The following EHHADH variants were observed in gnomAD, a reference collection of about 807,000 sequenced individuals.
EHHADH encodes peroxisomal bifunctional enzyme.
Under a neutral mutation model 64.4 loss-of-function variants are expected in EHHADH, and 48 were observed. The ratio of observed to expected loss-of-function variants is 0.75; its 90% CI spans 0.59 to 0.95. The LOEUF (loss-of-function observed/expected upper bound fraction) is 0.95, where lower values mean the gene tolerates loss of function less well. Among genes scored for constraint, EHHADH ranks in the 40% least tolerant of loss-of-function variants. The probability of loss-of-function intolerance (pLI) is 0.00; values close to 1 mark genes in which losing one functional copy is unlikely to be tolerated. For synonymous variants in EHHADH, 308 were observed against 326.7 expected, an observed-to-expected ratio of 0.94 and a Z score of 0.62; for missense variants, 854 against 876.6, an observed-to-expected ratio of 0.97 and a Z score of 0.33.
intron 1 of EHHADH, among the ~76,000 whole-genome samples, chr3:185,252,167 C>T (rs973280621): frequency 2.0e-5 from 3 of 152,114 alleles, no homozygotes; most frequent in Admixed American, 6.5e-5. Flanking sequence ...TTTGGGAGGC[C>T]GAGGCAGGTG....
chr3:185,241,648 T>TA (rs1466887192), intron 2 of EHHADH, among the ~76,000 whole-genome samples: 1 of 152,008 alleles, frequency 6.6e-6, no homozygotes, highest in Non-Finnish European at 1.5e-5. Flanking sequence ...TTAATGGGAT[T>TA]TTTTTTTCTT....
At chr3:185,245,864 A>G (rs1173249504) in intron 2 of EHHADH, 5 of 1,021,850 alleles carry the variant, frequency 4.9e-6, no homozygotes, top group Non-Finnish European at 7.7e-6. Flanking sequence ...CTCCCCAGCA[A>G]CCATATCTGG....
At chr3:185,208,104 T>C (rs1718444715) in intron 5 of EHHADH, among the ~76,000 whole-genome samples, 1 of 152,248 alleles carries the variant, frequency 6.6e-6, no homozygotes, top group Admixed American at 6.5e-5. Flanking sequence ...GTCTTGCTCA[T>C]ACTTTCTTGC....
Position 185,216,062 on chromosome 3 carries a change from GCCA to G in EHHADH, c.568+2071_568+2073del, listed in dbSNP as rs1260490409. On this transcript the variant is annotated intron_variant, in intron 5 of 6. Transcript: ENST00000231887. The surrounding 1 kb of genome is among the most constrained non-coding windows in gnomAD (Gnocchi z 5.3). ...GCAAATGGTGCCTCAATATTTGGAT[GCCA>G]CCAAGTGGACAAACTGTATAATGTC... Among the ~76,000 whole-genome samples, 1 of 152,174 alleles carries G rather than the reference GCCA, an allele frequency of 6.6e-6. No individual in the cohort carries two copies. Among genetic ancestry groups the G allele is most frequent in the Non-Finnish European group, 1.5e-5 (1 of 68,016 alleles).
At chr3:185,222,723 G>A (rs6779817) in intron 4 of EHHADH, among the ~76,000 whole-genome samples, 100,313 of 152,072 alleles carry the variant, frequency 0.66, 35,328 homozygotes, top group Non-Finnish European at 0.79. Context: ...AAATAGATCT[G>A]ATCTCAAGGA....
In EHHADH at chr3:185,254,006, C is replaced by G; in HGVS notation, c.17G>C (p.Arg6Pro). 6.2e-7 allele frequency: 1 copy of G among 1,613,902 alleles called. No individual in the cohort carries two copies. The highest frequency in any genetic ancestry group is 8.5e-7 in the Non-Finnish European group (1 of 1,179,886). The change falls in exon 1 of 7, where the codon CGG (arginine) becomes CCG (proline). Residue 6 changes from arginine (R) to proline (P), a missense_variant. Transcript: ENST00000231887. MAEYT[R>P]LHNALALIRL... ...GATTAGCGCCAAGGCGTTGTGCAGC[C>G]GCGTATACTCGGCCATGTTTCCTCT...
chr3:185,249,173 G>A (rs1207231959), intron 1 of EHHADH, among the ~76,000 whole-genome samples: 1 of 151,838 alleles, frequency 6.6e-6, no homozygotes, highest in East Asian at 1.9e-4. Flanking sequence ...CTGTCACCCA[G>A]GCTGGAGTGC....
At chr3:185,194,846 A>G (rs191185852) in intron 6 of EHHADH, among the ~76,000 whole-genome samples, 110 of 145,932 alleles carry the variant, frequency 7.5e-4, no homozygotes, top group Admixed American at 1.3e-3. Context: ...ATAGTATTTA[A>G]GACAGTGTAA....
chr3:185,218,289 G>T (rs1161710556), intron 4 of EHHADH, 49 bp from the exon 5 acceptor site: 2 of 1,366,820 alleles, frequency 1.5e-6, no homozygotes, highest in Non-Finnish European at 2.1e-6. Flanking sequence ...AGCGATGTAA[G>T]ATTAAAGCAA....
chr3:185,227,367 T>C (rs1719005998), intron 4 of EHHADH, among the ~76,000 whole-genome samples: 1 of 151,746 alleles, frequency 6.6e-6, no homozygotes, highest in South Asian at 2.1e-4. Flanking sequence ...ACCCCGACTC[T>C]ACTAAAAATA....
chr3:185,230,384 A>G (rs1262826991), intron 3 of EHHADH, among the ~76,000 whole-genome samples: 1 of 152,240 alleles, frequency 6.6e-6, no homozygotes, highest in African/African-American at 2.4e-5. Context: ...TCATGGCACC[A>G]TGGTTCATAA....
At chr3:185,194,800 C>CCAAAAAAAAAAAA (rs1718012745) in intron 6 of EHHADH, among the ~76,000 whole-genome samples, 2 of 29,302 alleles carry the variant, frequency 6.8e-5, no homozygotes, top group Non-Finnish European at 1.3e-4. Flanking sequence ...GACCCTGTCT[C>CCAAAAAAAAAAAA]AAAAAAAAAA....
chr3:185,193,168 A>C lies in EHHADH; in HGVS notation c.1230T>G (p.Thr410=). ...CAATCTCATCAACATCCAGGGCTGA[A>C]GTATTAGTGCACAAAAATGCTTCTG... ...CKPEAFLCTN[T]SALDVDEIAS... Residue 410 remains threonine (T), a synonymous_variant, in exon 7 of 7, where the codon ACT becomes ACG. Transcript: ENST00000231887. The C allele has an allele frequency of 6.2e-7, 1 of 1,613,258 alleles. No homozygotes were observed. Among genetic ancestry groups the C allele is most frequent in the South Asian group, 1.1e-5 (1 of 90,788 alleles).
rs751613675 is a variant in EHHADH, at chr3:185,193,143, C to A, written c.1255G>T (p.Ala419Ser). ...AAGTGAGGACGATCAGTGGAAGAAG[C>A]AATCTCATCAACATCCAGGGCTGAA... Reference protein sequence around the residue: ...NTSALDVDEIASSTDRPHLVI... With the variant: ...NTSALDVDEISSSTDRPHLVI... The change falls in exon 7 of 7, where the codon GCT becomes TCT. Residue 419 changes from alanine (A) to serine (S), a missense_variant. Physicochemically the swap from Ala to Ser is moderately conservative, Grantham distance 99. Coordinates refer to ENST00000231887, the MANE Select transcript of EHHADH (RefSeq NM_001966.4). 2 of 1,612,960 alleles carry A rather than the reference C, an allele frequency of 1.2e-6. No individual in the cohort carries two copies. The highest frequency in any genetic ancestry group is 1.3e-5 in the African/African-American group (1 of 75,014).
intron 2 of EHHADH, among the ~76,000 whole-genome samples, chr3:185,244,673 A>G (rs1405650356): frequency 2.0e-5 from 3 of 152,178 alleles, no homozygotes; most frequent in African/African-American, 7.2e-5. Flanking sequence ...TTAGACATGG[A>G]GGAAAGAAAG....
chr3:185,213,464 T>C (rs1053026284), intron 5 of EHHADH, among the ~76,000 whole-genome samples: 5 of 152,198 alleles, frequency 3.3e-5, no homozygotes, highest in African/African-American at 9.7e-5. Flanking sequence ...TCCATAACTA[T>C]AGATTTCTAA....
In EHHADH at chr3:185,192,318, G is replaced by T. The variant is rs758862674; in HGVS notation, c.2080C>A (p.Pro694Thr). The T allele has an allele frequency of 6.2e-7, 1 of 1,614,142 alleles. No individual in the cohort carries two copies. Among genetic ancestry groups the T allele is most frequent in the South Asian group, 1.1e-5 (1 of 91,072 alleles). The change falls in exon 7 of 7, where the codon CCA becomes ACA. Residue 694 changes from proline (P) to threonine (T), a missense_variant. Physicochemically the swap from Pro to Thr is conservative, Grantham distance 38. Coordinates refer to ENST00000231887, the MANE Select transcript of EHHADH (RefSeq NM_001966.4). ...RQNPDIPQLE[P>T]SDYLKKLASQ... ...GCCAGTTTTTTTAGATAGTCACTTG[G>T]CTCCAGTTGGGGAATATCAGGGTTC...
rs1446070786 is a variant in EHHADH at position 185,216,847 on chromosome 3, A to C, written c.568+1289T>G. 6.6e-6 allele frequency among the ~76,000 whole-genome samples: 1 copy of C among 151,960 alleles called. No individual in the cohort carries two copies. The highest frequency in any genetic ancestry group is 1.5e-5 in the Non-Finnish European group (1 of 67,990). On this transcript the variant is annotated intron_variant, in intron 5 of 6. Coordinates refer to ENST00000231887, the MANE Select transcript of EHHADH (RefSeq NM_001966.4). The surrounding 1 kb of genome is among the most constrained non-coding windows in gnomAD (Gnocchi z 5.3). ...TCTTCCCAATTATTTTTTTCTGGCT[A>C]TTTTTACCCTCTCCATCTTGCTCAT...
At chr3:185,204,858 A>G in intron 5 of EHHADH, 101 bp from the exon 6 acceptor site, 1 of 942,420 alleles carries the variant, frequency 1.1e-6, no homozygotes, top group East Asian at 2.5e-5. Flanking sequence ...TCAAAGCACA[A>G]ACTAAAAGCT....
Sources: allele counts gnomAD v4.1 joint callset (sites outside exome capture counted in the v4.1 genomes callset), GRCh38; gene constraint gnomAD v4.1.1; non-coding constraint Gnocchi (gnomAD v3.1); transcripts MANE v1.5; gene names NCBI Gene and HGNC (gene_info 2026-07-23, HGNC 2026-07-21).